Variants in HTR1F observed in about 807,000 individuals in gnomAD.
HTR1F encodes the protein 5-hydroxytryptamine receptor 1F.
In HTR1F, 17 loss-of-function variants were observed where a neutral mutation model predicts 24.0. That is an observed-to-expected ratio of 0.71 (90% CI 0.48 to 1.06). The LOEUF is 1.06. HTR1F is among the 50% of genes least tolerant of loss of function. The pLI, the probability that HTR1F is intolerant of heterozygous loss-of-function variation, is 0.00. For missense variants in HTR1F, 391 were observed against 427.8 expected, an observed-to-expected ratio of 0.91 and a Z score of 0.76; for synonymous variants, 186 against 156.8, an observed-to-expected ratio of 1.19 and a Z score of -1.39.
At chr3:87,956,690 G>A (rs1443630092) in intron 2 of HTR1F, among the ~76,000 whole-genome samples, 1 of 151,122 alleles carries the variant, frequency 6.6e-6, no homozygotes, top group Non-Finnish European at 1.5e-5. Flanking sequence ...AGAGCAGATG[G>A]TTTGTATATC....
intron 2 of HTR1F, among the ~76,000 whole-genome samples, chr3:87,936,933 T>C (rs867187799): frequency 3.3e-5 from 5 of 151,618 alleles, no homozygotes; most frequent in African/African-American, 1.2e-4. Flanking sequence ...CAAGAAGAAA[T>C]TGATTCCCTG....
intron 2 of HTR1F, among the ~76,000 whole-genome samples, chr3:87,986,465 C>A (rs900409884): frequency 6.6e-6 from 1 of 152,010 alleles, no homozygotes. Flanking sequence ...TAGAATATAA[C>A]CCAAAATTTT....
intron 2 of HTR1F, among the ~76,000 whole-genome samples, chr3:87,955,509 A>T (rs1014922303): frequency 6.6e-6 from 1 of 151,520 alleles, no homozygotes; most frequent in Non-Finnish European, 1.5e-5. Flanking sequence ...ATTCATATAT[A>T]GGATATTTTA....
In HTR1F at chr3:87,792,723, C is replaced by T. The variant is rs1703835795; in HGVS notation, c.-279C>T. On this transcript the variant is annotated 5_prime_UTR_variant, in exon 1 of 3. Coordinates refer to ENST00000319595, the MANE Select transcript of HTR1F (RefSeq NM_001322209.2). ...CCCAGCGCGCAGTCAGCGTCGCGGC[C>T]CCGAAAGCTGGCGACAGGCGCTGCT... 1.3e-5 allele frequency among the ~76,000 whole-genome samples: 2 copies of T among 152,206 alleles called. No homozygotes were observed. Among genetic ancestry groups the T allele is most frequent in the Admixed American group, 6.5e-5 (1 of 15,292 alleles).
At chr3:87,808,047 C>T (rs1704101122) in intron 1 of HTR1F, among the ~76,000 whole-genome samples, 1 of 151,406 alleles carries the variant, frequency 6.6e-6, no homozygotes, top group Non-Finnish European at 1.5e-5. Flanking sequence ...AATTTCTGTA[C>T]CTATGTTCAT....
At chr3:87,981,300 T>G (rs1705537684) in intron 2 of HTR1F, among the ~76,000 whole-genome samples, 1 of 152,178 alleles carries the variant, frequency 6.6e-6, no homozygotes, top group African/African-American at 2.4e-5. Flanking sequence ...GTTCAAGCAA[T>G]TCACCTGCCT....
chr3:87,988,121 A>G (rs1176883673), intron 2 of HTR1F, among the ~76,000 whole-genome samples: 5 of 152,018 alleles, frequency 3.3e-5, no homozygotes, highest in South Asian at 2.1e-4. Flanking sequence ...TAGAGCCCCA[A>G]GCTCACCAGA....
At chr3:87,866,584 T>C (rs565114832) in intron 2 of HTR1F, among the ~76,000 whole-genome samples, 1 of 152,144 alleles carries the variant, frequency 6.6e-6, no homozygotes, top group South Asian at 2.1e-4. Flanking sequence ...AAACAAGCAG[T>C]TTGCTAGTTT....
In HTR1F at chr3:87,991,614, C is replaced by T. The variant is rs767724180; in HGVS notation, c.865C>T (p.Arg289Trp). The T allele has an allele frequency of 9.3e-6, 15 of 1,613,658 alleles. No homozygotes were observed. Among genetic ancestry groups the T allele is most frequent in the South Asian group, 3.3e-5 (3 of 91,036 alleles). ...RRQKISGTRE[R>W]KAATTLGLIL... ...GCAAAAGATCTCAGGTACAAGAGAA[C>T]GGAAAGCAGCCACTACCCTGGGATT... Residue 289 changes from arginine (R) to tryptophan (W), a missense_variant, in exon 3 of 3, where the codon CGG becomes TGG. Transcript: ENST00000319595.
rs1308144069 is a variant in HTR1F, at chr3:87,952,843, T to G, written c.-42-37865T>G. 2.1e-5 allele frequency among the ~76,000 whole-genome samples: 3 copies of G among 139,686 alleles called. No individual in the cohort carries two copies. In the East Asian group the frequency reaches 6.2e-4, roughly 29 times the overall value. The allele number at this position is 139,686 out of a possible 152,430, so 91.6% of individuals were successfully genotyped here. On this transcript the variant is annotated intron_variant, in intron 2 of 2. Transcript: ENST00000319595. ...AGAGGCAGCTACTTCTATGCCTTTT[T>G]ACTTGTTTTTTTTTCTCACGCTAAT... is the stretch of plus-strand genomic sequence containing the variant.
intron 2 of HTR1F, among the ~76,000 whole-genome samples, chr3:87,823,351 T>G (rs893016724): frequency 6.6e-6 from 1 of 152,214 alleles, no homozygotes; most frequent in African/African-American, 2.4e-5. Context: ...TGATGGAGAA[T>G]ATCAACAGTT....
chr3:87,945,422 T>G (rs902426995), intron 2 of HTR1F, among the ~76,000 whole-genome samples: 3 of 152,142 alleles, frequency 2.0e-5, no homozygotes, highest in Admixed American at 6.5e-5. Context: ...AGGAGAATTT[T>G]GGGGCTACAC....
chr3:87,912,582 C>T (rs177262), intron 2 of HTR1F, among the ~76,000 whole-genome samples: 1 of 103,462 alleles, frequency 9.7e-6, no homozygotes, highest in East Asian at 2.7e-4. Flanking sequence ...ATTAAAAGTT[C>T]GTATAAAGTT....
At chr3:87,935,347 A>G (rs1704386210) in intron 2 of HTR1F, among the ~76,000 whole-genome samples, 2 of 152,198 alleles carry the variant, frequency 1.3e-5, no homozygotes, top group Admixed American at 1.3e-4. Flanking sequence ...TCTGCATTGC[A>G]TTGACTGCTC....
intron 2 of HTR1F, among the ~76,000 whole-genome samples, chr3:87,952,968 A>T (rs1704866912): frequency 6.6e-6 from 1 of 151,858 alleles, no homozygotes; most frequent in African/African-American, 2.4e-5. Context: ...AGTAATAACT[A>T]AAAAAATGAG....
At chr3:87,975,218 G>T (rs1705367972) in intron 2 of HTR1F, among the ~76,000 whole-genome samples, 1 of 151,938 alleles carries the variant, frequency 6.6e-6, no homozygotes, top group Non-Finnish European at 1.5e-5. Context: ...TGTTTAAAAT[G>T]TTAGTCCAAA....
At chr3:87,842,417 C>T (rs1451754587) in intron 2 of HTR1F, among the ~76,000 whole-genome samples, 1 of 151,800 alleles carries the variant, frequency 6.6e-6, no homozygotes, top group Admixed American at 6.6e-5. Flanking sequence ...CCACCTTGGC[C>T]TCCCAAAGTG....
intron 2 of HTR1F, among the ~76,000 whole-genome samples, chr3:87,945,980 G>A (rs1239309157): frequency 3.3e-5 from 5 of 152,098 alleles, no homozygotes; most frequent in South Asian, 2.1e-4. Flanking sequence ...TTGGCCTCAC[G>A]GATTACAAGG....
intron 1 of HTR1F, among the ~76,000 whole-genome samples, chr3:87,797,972 A>G (rs1703932686): frequency 6.6e-6 from 1 of 152,204 alleles, no homozygotes; most frequent in Non-Finnish European, 1.5e-5. Context: ...GAACAGGGAC[A>G]GTGCCATTTC....
Sources: gnomAD v4.1 joint callset for allele counts (sites outside exome capture counted in the v4.1 genomes callset) on GRCh38, gnomAD v4.1.1 for gene constraint, MANE v1.5 for transcripts, NCBI Gene and HGNC (gene_info 2026-07-23, HGNC 2026-07-21) for gene names.